SMOC2: variants seen among roughly 807,000 people sequenced by gnomAD.
SMOC2 encodes the protein SPARC related modular calcium binding 2, also known as SPARC-related modular calcium-binding protein 2.
In SMOC2, 39 loss-of-function variants were observed where a neutral mutation model predicts 61.4. That is an observed-to-expected ratio of 0.64 (90% confidence interval 0.49 to 0.83). The LOEUF is 0.83. Ranked by LOEUF, SMOC2 falls within the 40% of genes least tolerant of loss-of-function variation. The pLI, the probability that SMOC2 is intolerant of heterozygous loss-of-function variation, is 0.00. For synonymous variants in SMOC2, 247 were observed against 239.9 expected (o/e 1.03, Z -0.27); for missense variants, 556 against 592.9 (o/e 0.94, Z 0.65).
At chr6:168,520,036 T>C (rs1783292811) in intron 2 of SMOC2, among the ~76,000 whole-genome samples, 1 of 152,174 alleles carries the variant, frequency 6.6e-6, no homozygotes, top group Non-Finnish European at 1.5e-5. Context: ...TGAAATGGTG[T>C]CGTTCTGGTC....
At chr6:168,511,688 G>A (rs1193637736) in intron 2 of SMOC2, among the ~76,000 whole-genome samples, 1 of 152,096 alleles carries the variant, frequency 6.6e-6, no homozygotes, top group African/African-American at 2.4e-5. Context: ...TTGCCCGGTG[G>A]CAAACTCAAC....
chr6:168,646,453 T>G (rs907800942), intron 9 of SMOC2, among the ~76,000 whole-genome samples: 6 of 152,278 alleles, frequency 3.9e-5, no homozygotes, highest in Non-Finnish European at 7.3e-5. Flanking sequence ...AGGAGGCGAC[T>G]GAGGGAGCAG....
chr6:168,453,771 CTCTGAT>C lies in SMOC2; in HGVS notation c.84+12321_84+12326del, dbSNP rs1363558623. 1.3e-5 allele frequency among the ~76,000 whole-genome samples: 2 copies of C among 152,006 alleles called. No individual in the cohort carries two copies. The highest frequency in any genetic ancestry group is 2.9e-5 in the Non-Finnish European group (2 of 67,998). ...TCTCTGTCTCCCTCTTTCTCTGTCT[CTCTGAT>C]TCTATCTCTTGGTCTCTGTCATTCT... On this transcript the variant is annotated intron_variant, in intron 1 of 12. Coordinates refer to ENST00000356284, the MANE Select transcript of SMOC2 (RefSeq NM_001166412.2). The surrounding 1 kb of genome is among the most constrained non-coding windows in gnomAD (Gnocchi z 4.4).
At chr6:168,484,108 T>C (rs1399298522) in intron 1 of SMOC2, among the ~76,000 whole-genome samples, 1 of 151,970 alleles carries the variant, frequency 6.6e-6, no homozygotes, top group Non-Finnish European at 1.5e-5. Context: ...TAAGAAAAAT[T>C]CAAAAATTGG....
chr6:168,555,523 C>T (rs935430179), intron 7 of SMOC2, among the ~76,000 whole-genome samples: 5 of 152,194 alleles, frequency 3.3e-5, no homozygotes, highest in Non-Finnish European at 4.4e-5. Flanking sequence ...GCTCCTTCTC[C>T]CTCTGCCAGC....
At chr6:168,520,972 GTTCAGCAAAGCAATCTCTGCTGA>G (rs1339312425) in intron 2 of SMOC2, among the ~76,000 whole-genome samples, 182 of 152,252 alleles carry the variant, frequency 1.2e-3, no homozygotes, top group African/African-American at 4.2e-3. Context: ...TCTGTAAAAT[GTTCAGCAAAGCAATCTCTGCTGA>G]TTCTTGCCTA....
In SMOC2 at chr6:168,636,917, T is replaced by TG. The variant is rs1296653700; in HGVS notation, c.908-13764_908-13763insG. Among the ~76,000 whole-genome samples, 201 of 71,012 alleles carry TG rather than the reference T, an allele frequency of 2.8e-3. 2 individuals are homozygous for TG. Among genetic ancestry groups the TG allele is most frequent in the African/African-American group, 0.011 (182 of 16,264 alleles). The allele number at this position is 71,012 out of a possible 152,430, so 46.6% of individuals were successfully genotyped here. On this transcript the variant is annotated intron_variant, in intron 9 of 12. Transcript: ENST00000356284. Reference sequence around the variant, plus strand: ...ACCTCCCTCCTGCCCGCATCCCTCCTCCCTCCTCCCCCCTCCCCACCTCCC... The same window carrying TG: ...ACCTCCCTCCTGCCCGCATCCCTCCTGCCCTCCTCCCCCCTCCCCACCTCCC...
At chr6:168,457,893 G>T (rs1278683392) in intron 1 of SMOC2, among the ~76,000 whole-genome samples, 1 of 152,082 alleles carries the variant, frequency 6.6e-6, no homozygotes, top group African/African-American at 2.4e-5. Context: ...TCATTTCAAG[G>T]TGGGGGGCCC....
At chr6:168,443,906 A>T (rs1014746049) in intron 1 of SMOC2, among the ~76,000 whole-genome samples, 2 of 152,200 alleles carry the variant, frequency 1.3e-5, no homozygotes, top group Non-Finnish European at 2.9e-5. Flanking sequence ...TTATCTGTAA[A>T]ATGAGAATAC....
intron 10 of SMOC2, among the ~76,000 whole-genome samples, chr6:168,652,539 A>T (rs1490680269): frequency 6.6e-6 from 1 of 152,242 alleles, no homozygotes; most frequent in Non-Finnish European, 1.5e-5. Flanking sequence ...AATGTTTTTG[A>T]TTTGCATCAT....
intron 7 of SMOC2, among the ~76,000 whole-genome samples, chr6:168,566,295 C>T (rs1017265790): frequency 6.6e-6 from 1 of 152,152 alleles, no homozygotes; most frequent in African/African-American, 2.4e-5. Flanking sequence ...GATTCTAGGA[C>T]ACTGTCTAAT....
intron 1 of SMOC2, among the ~76,000 whole-genome samples, chr6:168,455,739 G>A (rs1020446774): frequency 1.3e-5 from 2 of 152,156 alleles, no homozygotes; most frequent in Non-Finnish European, 2.9e-5. Flanking sequence ...CTGGAGGTCC[G>A]AAACCTTGAA....
chr6:168,461,396 G>T (rs1345479924), intron 1 of SMOC2, among the ~76,000 whole-genome samples: 3 of 152,076 alleles, frequency 2.0e-5, no homozygotes, highest in African/African-American at 7.2e-5. Flanking sequence ...ATTTTTCAAT[G>T]GTGTTGGGTA....
intron 12 of SMOC2, chr6:168,664,901 A>T (rs1787621461): frequency 2.2e-6 from 1 of 447,498 alleles, no homozygotes; most frequent in African/African-American, 2.0e-5. Flanking sequence ...TTTTGTCTGC[A>T]CCTGTTTGAT....
At position 168,647,313 on chromosome 6, in the gene SMOC2, G is replaced by A. The variant is rs539388731; in HGVS notation, c.908-3368G>A. ...AGGCGGCTAAGTGAGAAGAAGGCCG[G>A]GGGCGGAGTGTGCTAGAAAGGACCC... On this transcript the variant is annotated intron_variant, in intron 9 of 12. Transcript: ENST00000356284. Among the ~76,000 whole-genome samples the A allele has an allele frequency of 1.7e-3, 265 of 152,324 alleles. 2 individuals are homozygous for A. Among genetic ancestry groups the A allele is most frequent in the African/African-American group, 5.8e-3 (242 of 41,574 alleles).
At chr6:168,476,679 C>G (rs1782095686) in intron 1 of SMOC2, among the ~76,000 whole-genome samples, 1 of 151,734 alleles carries the variant, frequency 6.6e-6, no homozygotes, top group Admixed American at 6.6e-5. Flanking sequence ...ATAATTTAGC[C>G]AAACTCTTAC....
At chr6:168,560,607 CACGAGGCTCTCACTGCATTCTTGGAGGAG>C (rs1784394780) in intron 7 of SMOC2, among the ~76,000 whole-genome samples, 4 of 19,308 alleles carry the variant, frequency 2.1e-4, no homozygotes, top group Non-Finnish European at 2.8e-4. Context: ...TGCCCTGAGA[CACGAGGCTCTCACTGCATTCTTGGAGGAG>C]GTGTCATTTT....
At position 168,547,738 on chromosome 6, in the gene SMOC2, G is replaced by T. The variant is rs1446812677; in HGVS notation, c.562+569G>T. On this transcript the variant is annotated intron_variant, in intron 6 of 12. Transcript: ENST00000356284. ...ATCATGATGTTAGACAGGGATAAAA[G>T]AGCAAACTCAAGCAGAAACGGATTG... Among the ~76,000 whole-genome samples the T allele has an allele frequency of 2.0e-5, 3 of 152,028 alleles. No individual in the cohort carries two copies. The East Asian group carries it at 5.8e-4, about 29-fold the overall frequency.
At chr6:168,543,449 G>C (rs1256192320) in intron 4 of SMOC2, among the ~76,000 whole-genome samples, 176 bp from the exon 5 acceptor site, 2 of 152,200 alleles carry the variant, frequency 1.3e-5, no homozygotes, top group Non-Finnish European at 2.9e-5. Context: ...CAGGGTCTGA[G>C]TGTTTAGGTG....
Sources: gnomAD v4.1 joint callset for allele counts (sites outside exome capture counted in the v4.1 genomes callset) on GRCh38, gnomAD v4.1.1 for gene constraint, Gnocchi (gnomAD v3.1) non-coding constraint, MANE v1.5 for transcripts, NCBI Gene and HGNC (gene_info 2026-07-23, HGNC 2026-07-21) for gene names.